Variants in PRH1 observed in about 807,000 individuals in gnomAD.
PRH1 encodes the protein salivary acidic proline-rich phosphoprotein 1/2.
A neutral mutation model predicts 7.9 loss-of-function variants in PRH1; 7 were observed. That is an observed-to-expected ratio of 0.89 (90% CI 0.50 to 1.67). The LOEUF (loss-of-function observed/expected upper bound fraction) is 1.67, where lower values mean the gene tolerates loss of function less well. Among genes scored for constraint, PRH1 ranks in the 40% most tolerant of loss-of-function variants. The pLI, the probability that PRH1 is intolerant of heterozygous loss-of-function variation, is 0.00. For synonymous variants in PRH1, 45 were observed against 80.8 expected (o/e 0.56, Z 2.38); for missense variants, 109 against 223.6 (o/e 0.49, Z 3.27).
rs77949516 is a variant in PRH1 at position 11,033,366 on chromosome 12, AAAAACAAAACAAAAC to A, written c.-126+13639_-126+13653del. Among the ~76,000 whole-genome samples the A allele has an allele frequency of 3.2e-3, 487 of 151,190 alleles. 1 individual carries two copies. The highest frequency in any genetic ancestry group is 3.8e-3 in the African/African-American group (156 of 40,940). ...TGGGCGACACAGCAAGACTCTGTCAAAAAACAAAACAAAACAAAACAAAACAAAACAAAACAAAAA... is the reference window on the plus strand; with the variant it reads ...TGGGCGACACAGCAAGACTCTGTCAAAAAACAAAACAAAACAAAACAAAAA... On this transcript the variant is annotated intron_variant, in intron 1 of 3. Transcript: ENST00000539853.
At chr12:11,045,505 A>G (rs1187612212) in intron 1 of PRH1, among the ~76,000 whole-genome samples, 2 of 152,128 alleles carry the variant, frequency 1.3e-5, no homozygotes, top group East Asian at 3.8e-4. Context: ...GTGACATTGC[A>G]TGCCTGTATC....
At chr12:10,967,448 T>C (rs1030682439) in intron 2 of PRH1, among the ~76,000 whole-genome samples, 4 of 152,200 alleles carry the variant, frequency 2.6e-5, no homozygotes, top group African/African-American at 9.7e-5. Flanking sequence ...ACGTGGAACA[T>C]TGCAAAGAGC....
intron 2 of PRH1, chr12:10,965,165 A>G: frequency 1.4e-6 from 2 of 1,467,170 alleles, no homozygotes; most frequent in Admixed American, 3.6e-5. Flanking sequence ...CCAATGTAAT[A>G]ATATTACCCA....
intron 1 of PRH1, among the ~76,000 whole-genome samples, chr12:10,974,109 T>C (rs1411420076): frequency 6.6e-6 from 1 of 152,234 alleles, no homozygotes; most frequent in Non-Finnish European, 1.5e-5. Context: ...ACAACATTTA[T>C]TATCAGCTAA....
At chr12:11,028,214 T>C (rs141238946) in intron 1 of PRH1, among the ~76,000 whole-genome samples, 191 of 152,334 alleles carry the variant, frequency 1.3e-3, no homozygotes, top group African/African-American at 4.0e-3. Flanking sequence ...GCAGAGATGA[T>C]AGTTCTGCCT....
chr12:10,958,846 C>G (rs10772392), intron 2 of PRH1, among the ~76,000 whole-genome samples: 2 of 152,016 alleles, frequency 1.3e-5, no homozygotes, highest in African/African-American at 4.8e-5. Flanking sequence ...TATAAGACTT[C>G]GTAAGGATTT....
chr12:11,125,151 G>T (rs558039862), intron 1 of PRH1, among the ~76,000 whole-genome samples: 1 of 107,370 alleles, frequency 9.3e-6, no homozygotes, highest in Non-Finnish European at 2.1e-5. Flanking sequence ...CACAATTCTT[G>T]TATTATTCTC....
chr12:10,986,311 T>A, intron 1 of PRH1: 2 of 1,614,030 alleles, frequency 1.2e-6, no homozygotes, highest in Non-Finnish European at 1.7e-6. Context: ...GGTATGAAGC[T>A]CCATAGGGTA....
At chr12:11,033,826 G>C (rs868200928) in intron 1 of PRH1, among the ~76,000 whole-genome samples, 1 of 152,026 alleles carries the variant, frequency 6.6e-6, no homozygotes, top group Non-Finnish European at 1.5e-5. Flanking sequence ...GTATATTAAA[G>C]TTATAATGCG....
At chr12:10,969,232 C>T (rs891076765) in intron 2 of PRH1, among the ~76,000 whole-genome samples, 5 of 152,208 alleles carry the variant, frequency 3.3e-5, no homozygotes, top group African/African-American at 1.2e-4. Context: ...CAAGCCACTT[C>T]TCTCCAACGT....
In PRH1 at chr12:10,909,074, T is replaced by C. The variant is rs1409679171; in HGVS notation, c.-58-24799A>G. On this transcript the variant is annotated intron_variant, in intron 2 of 3. Transcript: ENST00000539853. ...TTCTTAATCCTGTTCCAGACACAAATATGGCTAGATAATGCAGAGCTAAAA... is the reference window on the plus strand; with the variant it reads ...TTCTTAATCCTGTTCCAGACACAAACATGGCTAGATAATGCAGAGCTAAAA... 6.8e-6 allele frequency: 11 copies of C among 1,613,566 alleles called. No individual in the cohort carries two copies. The highest frequency in any genetic ancestry group is 9.3e-6 in the Non-Finnish European group (11 of 1,179,914).
At chr12:11,046,895 T>C (rs529736609) in intron 1 of PRH1, 18 of 387,294 alleles carry the variant, frequency 4.6e-5, no homozygotes, top group Non-Finnish European at 9.9e-5. Context: ...CATGATGGAA[T>C]TGGGGAGAAT....
At chr12:11,049,817 A>G (rs1943068636), upstream of PRH1, among the ~76,000 whole-genome samples, 2 of 152,200 alleles carry the variant, frequency 1.3e-5, no homozygotes, top group African/African-American at 4.8e-5. Flanking sequence ...ATTATTTTGG[A>G]AAGTCCTGGG....
chr12:10,917,568 T>C (rs1011378989), intron 2 of PRH1, among the ~76,000 whole-genome samples: 14 of 152,328 alleles, frequency 9.2e-5, no homozygotes, highest in African/African-American at 2.9e-4. Context: ...TAACTTTCCA[T>C]ATTCAAAAGA....
Position 10,894,310 on chromosome 12 carries a change from A to G in PRH1, c.-58-10035T>C, listed in dbSNP as rs867578680. ...TCTGTTGTAGATGGTCAAGATTGTA[A>G]CATTTTTGATGGTCAAAGTTGCTTA... is the stretch of plus-strand genomic sequence containing the variant. On this transcript the variant is annotated intron_variant, in intron 2 of 3. Transcript: ENST00000539853. Among the ~76,000 whole-genome samples the G allele has an allele frequency of 2.6e-5, 4 of 152,310 alleles. No individual in the cohort carries two copies. In the South Asian group the frequency reaches 8.3e-4, roughly 32 times the overall value.
chr12:10,911,830 C>T (rs1249829726), intron 2 of PRH1, among the ~76,000 whole-genome samples: 1 of 152,140 alleles, frequency 6.6e-6, no homozygotes, highest in Admixed American at 6.5e-5. Flanking sequence ...AAAAGCCTCC[C>T]ATGGCAAGAA....
chr12:11,167,442 G>C (rs1278566255), intron 1 of PRH1, among the ~76,000 whole-genome samples: 2 of 146,440 alleles, frequency 1.4e-5, no homozygotes, highest in Non-Finnish European at 3.0e-5. Flanking sequence ...GGAAAGGCTT[G>C]TAATTTTTTT....
intron 1 of PRH1, among the ~76,000 whole-genome samples, chr12:11,127,338 A>T (rs1232117642): frequency 6.6e-6 from 1 of 152,284 alleles, no homozygotes; most frequent in Non-Finnish European, 1.5e-5. Context: ...ATTTGCGTTC[A>T]GCAATGTGAG....
At chr12:11,023,154 G>C (rs1040658821) in intron 1 of PRH1, among the ~76,000 whole-genome samples, 1 of 152,136 alleles carries the variant, frequency 6.6e-6, no homozygotes, top group Non-Finnish European at 1.5e-5. Context: ...AAATCCCTGG[G>C]AGGCTGATAC....
Sources: allele counts gnomAD v4.1 joint callset (sites outside exome capture counted in the v4.1 genomes callset), GRCh38; gene constraint gnomAD v4.1.1; transcripts MANE v1.5; gene names NCBI Gene and HGNC (gene_info 2026-07-23, HGNC 2026-07-21).